LMAN1: variants seen among roughly 807,000 people sequenced by gnomAD.
LMAN1 encodes protein ERGIC-53.
A neutral mutation model predicts 67.8 loss-of-function variants in LMAN1; 32 were observed. The observed-to-expected ratio is 0.47, with a 90% confidence interval of 0.36 to 0.63. The LOEUF is 0.63. LMAN1 is among the 30% of genes least tolerant of loss of function. The pLI is 0.00. For synonymous variants in LMAN1, 235 were observed against 219.3 expected (o/e 1.07, Z -0.63); for missense variants, 632 against 628.2 (o/e 1.01, Z -0.06).
chr18:59,333,851 GAAAA>G (rs71336336), intron 10 of LMAN1, among the ~76,000 whole-genome samples: 1 of 119,682 alleles, frequency 8.4e-6, no homozygotes. Context: ...TTTACCAAAA[GAAAA>G]AAAAAAAAGA....
At chr18:59,346,209 C>CT (rs370183077) in intron 7 of LMAN1, among the ~76,000 whole-genome samples, 158 bp from the exon 8 acceptor site, 1,899 of 61,602 alleles carry the variant, frequency 0.031, 228 homozygotes, top group African/African-American at 0.055. Context: ...GCAAATTACT[C>CT]TTTTTTTTTT....
intron 1 of LMAN1, among the ~76,000 whole-genome samples, chr18:59,358,029 C>CA (rs1404438027): frequency 6.6e-6 from 1 of 151,316 alleles, no homozygotes; most frequent in Non-Finnish European, 1.5e-5. Context: ...CAGAGCTCCT[C>CA]ATCTCATATA....
chr18:59,347,696 T>A, intron 6 of LMAN1, 125 bp from the exon 7 acceptor site: 1 of 734,770 alleles, frequency 1.4e-6, no homozygotes, highest in Non-Finnish European at 2.3e-6. Flanking sequence ...TGACAAAAAT[T>A]AGCACTAATT....
At position 59,328,765 on chromosome 18, in the gene LMAN1, C is replaced by G. The variant is rs564651529; in HGVS notation, c.*2328G>C. On this transcript the variant is annotated 3_prime_UTR_variant, in exon 13 of 13. Coordinates refer to ENST00000251047, the MANE Select transcript of LMAN1 (RefSeq NM_005570.4). ...ACACTGATATCCCCTTAATACATAA[C>G]AAAACATTGTTTACTGTTTATGACT... The G allele has an allele frequency of 6.6e-6, 1 of 152,178 alleles. No homozygotes were observed. Among genetic ancestry groups the G allele is most frequent in the East Asian group, 1.9e-4 (1 of 5,182 alleles). The allele number at this position is 152,178 out of a possible 1,614,324, so 9.4% of individuals were successfully genotyped here.
At position 59,359,261 on chromosome 18, in the gene LMAN1, C is replaced by T. The variant is rs1034602687; in HGVS notation, c.-17G>A. On this transcript the variant is annotated 5_prime_UTR_variant, in exon 1 of 13. Transcript: ENST00000251047. ...TCCCGCCATCTTGGATTCTGGAACG[C>T]GGAGGAGGGCGGGAGAGGGAGGGGC... 1 of 1,612,504 alleles carries T rather than the reference C, an allele frequency of 6.2e-7. No individual in the cohort carries two copies.
At chr18:59,358,857 G>C (rs1445112121) in intron 1 of LMAN1, among the ~76,000 whole-genome samples, 174 bp downstream of exon 1, 2 of 152,154 alleles carry the variant, frequency 1.3e-5, no homozygotes, top group South Asian at 2.1e-4. Flanking sequence ...AGGGAACCGT[G>C]CGAACCAGGA....
rs747120152 is a variant in LMAN1 at position 59,345,956 on chromosome 18, T to C, written c.918A>G (p.Glu306=). 1.9e-6 allele frequency: 3 copies of C among 1,613,892 alleles called. No individual in the cohort carries two copies. The highest frequency in any genetic ancestry group is 2.5e-6 in the Non-Finnish European group (3 of 1,180,022). The change falls in exon 8 of 13, where the codon GAA becomes GAG. Residue 306 remains glutamate, a synonymous_variant. Coordinates refer to ENST00000251047, the MANE Select transcript of LMAN1 (RefSeq NM_005570.4). The part of the protein sequence containing the change: ...FQQELDKKKE[E]FQKGHPDLQG... ...GGAGGTCGGGGTGGCCCTTCTGGAA[T>C]TCCTCTTTTTTTTTATCCAATTCTT... is the stretch of plus-strand genomic sequence containing the variant.
At chr18:59,339,011 A>G (rs1421880174) in intron 8 of LMAN1, 58 bp from the exon 9 acceptor site, 25 of 1,491,368 alleles carry the variant, frequency 1.7e-5, no homozygotes, top group Non-Finnish European at 2.2e-5. Context: ...AGTTTTTGAA[A>G]TAACGTAAGT....
chr18:59,355,230 C>T (rs2144233081), intron 3 of LMAN1, 83 bp downstream of exon 3: 1 of 1,015,466 alleles, frequency 9.8e-7, no homozygotes, highest in Non-Finnish European at 1.5e-6. Flanking sequence ...CTGATGAAAG[C>T]ATTGAATAAG....
chr18:59,338,211 T>A (rs1908203338), intron 10 of LMAN1, among the ~76,000 whole-genome samples: 1 of 152,190 alleles, frequency 6.6e-6, no homozygotes, highest in Non-Finnish European at 1.5e-5. Context: ...ACATATTTAT[T>A]CCTCTAGTAC....
At chr18:59,352,437 C>A (rs1231300465) in intron 5 of LMAN1, among the ~76,000 whole-genome samples, 5 of 152,188 alleles carry the variant, frequency 3.3e-5, no homozygotes, top group African/African-American at 1.2e-4. Flanking sequence ...ACCCTTTAAA[C>A]ATTTTTAAAA....
intron 10 of LMAN1, among the ~76,000 whole-genome samples, chr18:59,337,071 G>GT (rs1261166902): frequency 6.6e-6 from 1 of 150,960 alleles, no homozygotes; most frequent in Non-Finnish European, 1.5e-5. Context: ...GGGAAATACA[G>GT]TAACTTTAAA....
At chr18:59,342,302 C>G (rs2144218869) in intron 8 of LMAN1, among the ~76,000 whole-genome samples, 1 of 152,186 alleles carries the variant, frequency 6.6e-6, no homozygotes, top group South Asian at 2.1e-4. Flanking sequence ...GGAGAGAATT[C>G]CCCCTAACTC....
chr18:59,330,837 G>C lies in LMAN1; in HGVS notation c.*256C>G. 1 of 474,214 alleles carries C rather than the reference G, an allele frequency of 2.1e-6. No individual in the cohort carries two copies. The highest frequency in any genetic ancestry group is 3.8e-6 in the Non-Finnish European group (1 of 263,504). The allele number at this position is 474,214 out of a possible 1,614,324, so 29.4% of individuals were successfully genotyped here. A position where few individuals can be genotyped will look rare whatever the true frequency, so the allele number is the denominator to read the frequency against. On this transcript the variant is annotated 3_prime_UTR_variant, in exon 13 of 13. Coordinates refer to ENST00000251047, the MANE Select transcript of LMAN1 (RefSeq NM_005570.4). Reference sequence around the variant, plus strand: ...CCCCCACTTTATTTACCCTCTTACTGGTCAATATTCTGCTCAGAGGCTGCA... The same window carrying C: ...CCCCCACTTTATTTACCCTCTTACTCGTCAATATTCTGCTCAGAGGCTGCA...
At chr18:59,331,781 T>A in intron 11 of LMAN1, 1 of 485,142 alleles carries the variant, frequency 2.1e-6, no homozygotes, top group Non-Finnish European at 3.7e-6. Flanking sequence ...GGCTCCTGTC[T>A]GCATTACAGT....
At chr18:59,358,931 G>A in intron 1 of LMAN1, 100 bp downstream of exon 1, 1 of 1,216,610 alleles carries the variant, frequency 8.2e-7, no homozygotes, top group Non-Finnish European at 1.2e-6. Context: ...GCAGCTGCTG[G>A]AACGGGAACC....
In LMAN1 at chr18:59,353,249, G is replaced by T; in HGVS notation, c.592C>A (p.Pro198Thr). The change falls in exon 5 of 13, where the codon CCC (proline) becomes ACC (threonine). Residue 198 changes from proline (P) to threonine (T), a missense_variant. Transcript: ENST00000251047. The stretch of plus-strand genomic sequence containing the variant: ...GTAATCTTTGCTCGGACAGGATAGG[G>T]TTTGTTGCGGAAGTCCCTCTGGCAA... ...ASCQRDFRNK[P>T]YPVRAKITYY... is the part of the protein sequence containing the mutation. 6.2e-7 allele frequency: 1 copy of T among 1,614,134 alleles called. No individual in the cohort carries two copies. The highest frequency in any genetic ancestry group is 8.5e-7 in the Non-Finnish European group (1 of 1,179,998).
rs1400131849 is a variant in LMAN1 at position 59,331,517 on chromosome 18, C to T, written c.1397G>A (p.Cys466Tyr). The change falls in exon 12 of 13, where the codon TGC becomes TAC. Residue 466 changes from cysteine (C) to tyrosine (Y), a missense_variant. Cys to Tyr is a radical substitution (Grantham distance 194). Transcript: ENST00000251047. ...RNMPSNEKPK[C>Y]PELPPFPSCL... is the part of the protein sequence containing the mutation. ...TGATGGAAATGGTGGTAGTTCTGGG[C>T]ATTTCGGCTTTTCATTTGATGGCTG... is the stretch of plus-strand genomic sequence containing the variant. The T allele has an allele frequency of 1.2e-6, 2 of 1,613,236 alleles. No individual in the cohort carries two copies. Among genetic ancestry groups the T allele is most frequent in the Non-Finnish European group, 1.7e-6 (2 of 1,179,360 alleles).
At chr18:59,351,791 T>G (rs995411831) in intron 5 of LMAN1, among the ~76,000 whole-genome samples, 26 of 152,334 alleles carry the variant, frequency 1.7e-4, no homozygotes, top group African/African-American at 6.0e-4. Flanking sequence ...GTCTGGGCTT[T>G]GCTACATGCA....
Sources: gnomAD v4.1 joint callset for allele counts (sites outside exome capture counted in the v4.1 genomes callset) on GRCh38, gnomAD v4.1.1 for gene constraint, MANE v1.5 for transcripts, NCBI Gene and HGNC (gene_info 2026-07-23, HGNC 2026-07-21) for gene names.